CORO2A: variants seen among roughly 807,000 people sequenced by gnomAD.
The protein encoded by CORO2A is coronin 2A.
CORO2A carries 47 observed loss-of-function variants against 62.4 expected under a neutral mutation model. The observed-to-expected ratio is 0.75, with a 90% CI of 0.60 to 0.96. The LOEUF (loss-of-function observed/expected upper bound fraction) is 0.96. Among genes scored for constraint, CORO2A ranks in the 40% least tolerant of loss-of-function variants. The pLI is 0.00. For missense variants in CORO2A, 610 were observed against 684.1 expected (o/e 0.89, Z 1.21); for synonymous variants, 273 against 268.9 (o/e 1.02, Z -0.15).
rs777682469 is a variant in CORO2A at position 98,157,561 on chromosome 9, T to C, written c.100A>G (p.Ser34Gly). 6.2e-7 allele frequency: 1 copy of C among 1,614,192 alleles called. No homozygotes were observed. Among genetic ancestry groups the C allele is most frequent in the Non-Finnish European group, 8.5e-7 (1 of 1,180,032 alleles). The change falls in exon 2 of 12, where the codon AGC (serine) becomes GGC (glycine). Residue 34 changes from serine (S) to glycine (G), a missense_variant. Coordinates refer to ENST00000375077, the MANE Select transcript of CORO2A (RefSeq NM_052820.4). ...GCACAGAAGTGGTTGTCGTGAACGC[T>C]GCGGGTGATAGGCACGGAGTCGTAG... ...NCYDSVPITR[S>G]VHDNHFCAVN...
chr9:98,184,658 A>C lies in CORO2A; in HGVS notation c.-1+7901T>G, dbSNP rs112561237. Among the ~76,000 whole-genome samples, 1,026 of 152,218 alleles carry C rather than the reference A, an allele frequency of 6.7e-3. 17 individuals carry two copies. The highest frequency in any genetic ancestry group is 0.023 in the African/African-American group (962 of 41,528). ...TGACGTTGTTCCTCCTCATCCTCAG[A>C]GTGGGGCTGTGATCTGTGATGGGGC... On this transcript the variant is annotated intron_variant, in intron 1 of 11. Transcript: ENST00000375077.
chr9:98,138,730 T>G (rs967119378), intron 2 of CORO2A, among the ~76,000 whole-genome samples: 38 of 152,272 alleles, frequency 2.5e-4, no homozygotes, highest in African/African-American at 8.9e-4. Context: ...ACCTGGTATC[T>G]GGAACCCTAA....
At chr9:98,150,695 C>T (rs1942592632) in intron 2 of CORO2A, among the ~76,000 whole-genome samples, 1 of 152,258 alleles carries the variant, frequency 6.6e-6, no homozygotes, top group African/African-American at 2.4e-5. Context: ...AAAAGGAAAA[C>T]CAACTAATTA....
At position 98,190,672 on chromosome 9, in the gene CORO2A, C is replaced by A. The variant is rs576992848; in HGVS notation, c.-1+1887G>T. On this transcript the variant is annotated intron_variant, in intron 1 of 11. Transcript: ENST00000375077. ...TTTAAAAAGTATTAGCAATTAAAGT[C>A]ATAGCATGACTTTTTAATAACCAGA... Among the ~76,000 whole-genome samples, 23 of 152,250 alleles carry A rather than the reference C, an allele frequency of 1.5e-4. No individual in the cohort carries two copies. In the East Asian group the frequency reaches 4.4e-3, roughly 29 times the overall value.
At chr9:98,132,601 T>C (rs1827424582) in intron 5 of CORO2A, among the ~76,000 whole-genome samples, 1 of 152,198 alleles carries the variant, frequency 6.6e-6, no homozygotes, top group Non-Finnish European at 1.5e-5. Flanking sequence ...GCGGGCACTG[T>C]CACCTGGCCT....
intron 2 of CORO2A, among the ~76,000 whole-genome samples, chr9:98,138,512 G>T (rs1040286081): frequency 6.6e-6 from 1 of 152,096 alleles, no homozygotes; most frequent in Non-Finnish European, 1.5e-5. Context: ...GTGAAGAATG[G>T]ACATACAAAA....
chr9:98,127,062 G>A (rs995268799), intron 10 of CORO2A: 72 of 572,354 alleles, frequency 1.3e-4, no homozygotes, highest in Non-Finnish European at 2.0e-4. Context: ...AGCACGGTGC[G>A]TGCACTGAAG....
At chr9:98,166,519 C>A (rs770980840) in intron 1 of CORO2A, among the ~76,000 whole-genome samples, 32 of 152,148 alleles carry the variant, frequency 2.1e-4, no homozygotes, top group Non-Finnish European at 2.4e-4. Flanking sequence ...CAACAACAAG[C>A]AAGCAAACAA....
intron 1 of CORO2A, among the ~76,000 whole-genome samples, chr9:98,183,268 T>C (rs761650890): frequency 8.5e-5 from 13 of 152,248 alleles, no homozygotes; most frequent in Non-Finnish European, 1.6e-4. Context: ...AATGCTACTG[T>C]GCTTGCAGCC....
At position 98,129,247 on chromosome 9, in the gene CORO2A, C is replaced by T. The variant is rs182025846; in HGVS notation, c.968-528G>A. Among the ~76,000 whole-genome samples the T allele has an allele frequency of 3.6e-4, 55 of 152,302 alleles. No individual in the cohort carries two copies. In the Middle Eastern group the frequency reaches 0.014, roughly 38 times the overall value. ...TCTGCTTAAGGTTCCCCATCTCCATCCCCACAGCTCCTGTGACCCAAATGC... is the reference window on the plus strand; with the variant it reads ...TCTGCTTAAGGTTCCCCATCTCCATTCCCACAGCTCCTGTGACCCAAATGC... On this transcript the variant is annotated intron_variant, in intron 8 of 11. Transcript: ENST00000375077.
intron 1 of CORO2A, among the ~76,000 whole-genome samples, chr9:98,165,883 G>A (rs577219857): frequency 6.6e-6 from 1 of 152,184 alleles, no homozygotes; most frequent in African/African-American, 2.4e-5. Flanking sequence ...TATTCTGGGG[G>A]TGGGGCTCAC....
chr9:98,159,884 G>A (rs1461818985), intron 1 of CORO2A, among the ~76,000 whole-genome samples: 2 of 152,224 alleles, frequency 1.3e-5, no homozygotes, highest in African/African-American at 2.4e-5. Flanking sequence ...GGGAAGGCAG[G>A]TTTGGCTGGG....
In CORO2A at chr9:98,133,070, C is replaced by A; in HGVS notation, c.616G>T (p.Val206Phe). ...ATTCKDRKIRVIDPRAGTVLQ... is the reference protein window; with the variant it reads ...ATTCKDRKIRFIDPRAGTVLQ... ...ACGGTCCCTGCTCGGGGGTCAATAA[C>A]CCGAATCTTGCGGTCTTTGCAGGTG... Residue 206 changes from valine (V) to phenylalanine (F), a missense_variant, in exon 5 of 12, where the codon GTT becomes TTT. Coordinates refer to ENST00000375077, the MANE Select transcript of CORO2A (RefSeq NM_052820.4). The A allele has an allele frequency of 1.9e-6, 3 of 1,614,240 alleles. No individual in the cohort carries two copies. The highest frequency in any genetic ancestry group is 2.2e-5 in the East Asian group (1 of 44,890).
At chr9:98,161,358 A>G (rs1827883374) in intron 1 of CORO2A, among the ~76,000 whole-genome samples, 1 of 152,120 alleles carries the variant, frequency 6.6e-6, no homozygotes, top group South Asian at 2.1e-4. Context: ...GTTCGAGACC[A>G]GCCTGGCCAA....
Position 98,123,496 on chromosome 9 carries a change from T to TC in CORO2A, c.*1277_*1278insG, listed in dbSNP as rs72327744. The TC allele has an allele frequency of 9.2e-3, 1,080 of 117,884 alleles. 6 individuals carry two copies. Among genetic ancestry groups the TC allele is most frequent in the African/African-American group, 0.028 (966 of 34,278 alleles). 7.3% of individuals were successfully genotyped at this position (117,884 alleles called of 1,614,324 possible). A position where few individuals can be genotyped will look rare whatever the true frequency, so the allele number is the denominator to read the frequency against. On this transcript the variant is annotated 3_prime_UTR_variant, in exon 12 of 12. Coordinates refer to ENST00000375077, the MANE Select transcript of CORO2A (RefSeq NM_052820.4). ...TTAGTCTTCCCCTATTCTCTCTCTC[T>TC]TTTTTTTTTTTTTTTTGGAGATGGA... is the stretch of plus-strand genomic sequence containing the variant.
intron 1 of CORO2A, among the ~76,000 whole-genome samples, chr9:98,185,706 C>T (rs72603686): frequency 0.07 from 10,646 of 152,234 alleles, 424 homozygotes; most frequent in East Asian, 0.13. Context: ...TTATTGAGCA[C>T]GCCATAGACC....
chr9:98,163,712 G>C (rs1427760210), intron 1 of CORO2A, among the ~76,000 whole-genome samples: 1 of 118,942 alleles, frequency 8.4e-6, no homozygotes, highest in East Asian at 2.1e-4. Flanking sequence ...TACATGCGGG[G>C]TGTGTGTGTG....
At position 98,189,897 on chromosome 9, in the gene CORO2A, T is replaced by A. The variant is rs984554521; in HGVS notation, c.-1+2662A>T. Among the ~76,000 whole-genome samples, 388 of 152,294 alleles carry A rather than the reference T, an allele frequency of 2.5e-3. 3 individuals carry two copies. The highest frequency in any genetic ancestry group is 2.4e-3 in the Non-Finnish European group (162 of 68,014). The stretch of plus-strand genomic sequence containing the variant: ...GACGGCAACTCCTTTATTTTTTTTT[T>A]TTTTTGAGATGGAGTCTCGCTCTGT... On this transcript the variant is annotated intron_variant, in intron 1 of 11. Coordinates refer to ENST00000375077, the MANE Select transcript of CORO2A (RefSeq NM_052820.4).
intron 2 of CORO2A, among the ~76,000 whole-genome samples, chr9:98,154,330 T>TGC (rs1827771998): frequency 7.3e-5 from 5 of 68,428 alleles, no homozygotes; most frequent in South Asian, 3.9e-4. Flanking sequence ...TGTTTGTGTG[T>TGC]ATATATATAT....
Sources: gnomAD v4.1 joint callset for allele counts (sites outside exome capture counted in the v4.1 genomes callset) on GRCh38, gnomAD v4.1.1 for gene constraint, MANE v1.5 for transcripts, NCBI Gene and HGNC (gene_info 2026-07-23, HGNC 2026-07-21) for gene names.